TBRG1: variants seen among roughly 807,000 people sequenced by gnomAD.
TBRG1 encodes transforming growth factor beta regulator 1, also known as nuclear interactor of ARF and MDM2.
TBRG1 carries 31 observed loss-of-function variants against 44.0 expected under a neutral mutation model. The observed-to-expected ratio is 0.70, with a 90% CI of 0.53 to 0.95. The LOEUF is 0.95. TBRG1 is among the 40% of genes least tolerant of loss of function. The probability of loss-of-function intolerance (pLI) is 0.00; values close to 1 mark genes in which losing one functional copy is unlikely to be tolerated. For synonymous variants in TBRG1, 171 were observed against 188.1 expected (o/e 0.91, Z 0.74); for missense variants, 487 against 496.1 (o/e 0.98, Z 0.18).
chr11:124,630,469 AC>A lies in TBRG1; in HGVS notation c.821del (p.Thr274IlefsTer2). 6.2e-7 allele frequency: 1 copy of A among 1,612,126 alleles called. No homozygotes were observed. On this transcript the variant is annotated frameshift_variant, in exon 6 of 9. Coordinates refer to ENST00000441174, the MANE Select transcript of TBRG1 (RefSeq NM_032811.3). LOFTEE classifies it high-confidence loss of function. Reference protein sequence around the residue: ...ADACHAELLRTISTTMGKLMP... With the variant: ...ADACHAELLRXISTTMGKLMP... ...TGCTTGTCATGCAGAACTGCTCAGG[AC>A]TATAAGCACTACTATGTAAGTTGAC...
At chr11:124,624,831 A>G (rs1942424308) in intron 1 of TBRG1, 100 bp from the exon 2 acceptor site, 1 of 788,364 alleles carries the variant, frequency 1.3e-6, no homozygotes, top group Admixed American at 2.7e-5. Flanking sequence ...CTTCTCAGTA[A>G]TACAAGCTTT....
At chr11:124,625,520 CT>C (rs1429087879) in intron 2 of TBRG1, 150 bp from the exon 3 acceptor site, 1 of 680,478 alleles carries the variant, frequency 1.5e-6, no homozygotes, top group East Asian at 2.7e-5. Context: ...TCCTCCAGGG[CT>C]TTATGATTCA....
At chr11:124,626,837 C>T (rs1032850904) in intron 4 of TBRG1, 67 bp from the exon 5 acceptor site, 8 of 1,563,824 alleles carry the variant, frequency 5.1e-6, no homozygotes, top group African/African-American at 1.4e-5. Context: ...TAAAGGCTAC[C>T]ACAGGAAACT....
chr11:124,630,884 G>GA, intron 7 of TBRG1, 29 bp downstream of exon 7: 1 of 1,435,840 alleles, frequency 7.0e-7, no homozygotes, highest in Non-Finnish European at 9.6e-7. Context: ...ATTCCCTTGA[G>GA]AAAAGCTCAG....
Position 124,625,663 on chromosome 11 carries a change from G to C in TBRG1, c.222-8G>C. 1 of 1,549,674 alleles carries C rather than the reference G, an allele frequency of 6.5e-7. No homozygotes were observed. The highest frequency in any genetic ancestry group is 1.2e-5 in the South Asian group (1 of 83,574). On this transcript the variant is annotated splice_region_variant and splice_polypyrimidine_tract_variant and intron_variant, in intron 2 of 8. Coordinates refer to ENST00000441174, the MANE Select transcript of TBRG1 (RefSeq NM_032811.3). ...TCATTTCTCTGCTCCTTTCCTTCCTGATCTCAGGTACTTGCTAAAGAAGCT... is the reference window on the plus strand; with the variant it reads ...TCATTTCTCTGCTCCTTTCCTTCCTCATCTCAGGTACTTGCTAAAGAAGCT...
intron 2 of TBRG1, 119 bp downstream of exon 2, chr11:124,625,120 C>A: frequency 1.5e-6 from 1 of 672,316 alleles, no homozygotes; most frequent in Non-Finnish European, 2.5e-6. Context: ...TATCGCACAG[C>A]CCCTTGGCCA....
Position 124,630,411 on chromosome 11 carries a change from C to T in TBRG1, c.762C>T (p.Asp254=). The change falls in exon 6 of 9, where the codon GAC becomes GAT. Residue 254 remains aspartate (D), a synonymous_variant. Coordinates refer to ENST00000441174, the MANE Select transcript of TBRG1 (RefSeq NM_032811.3). ...QPQFEIVPED[D]PQNAIVSSSA... is the part of the protein sequence containing the mutation. ...AGTTTGAAATTGTTCCTGAAGATGA[C>T]CCCCAGAATGCCATTGTCAGCTCTT... is the stretch of plus-strand genomic sequence containing the variant. 1 of 1,613,354 alleles carries T rather than the reference C, an allele frequency of 6.2e-7. No homozygotes were observed. Among genetic ancestry groups the T allele is most frequent in the Non-Finnish European group, 8.5e-7 (1 of 1,179,354 alleles).
rs759078246 is a variant in TBRG1, at chr11:124,631,417, G to A, written c.1090G>A (p.Gly364Arg). The change falls in exon 8 of 9, where the codon GGA (glycine) becomes AGA (arginine). Residue 364 changes from glycine (G) to arginine (R), a missense_variant and splice_region_variant. Transcript: ENST00000441174. The stretch of plus-strand genomic sequence containing the variant: ...AGATCAGAATGATCCCCTTCTGCCA[G>A]GTATCTTTAACTTTACCTTTCTGGT... The part of the protein sequence containing the change: ...DEDQNDPLLP[G>R]SLDLPELQPA... The A allele has an allele frequency of 6.2e-7, 1 of 1,613,830 alleles. No individual in the cohort carries two copies. The highest frequency in any genetic ancestry group is 1.7e-5 in the Admixed American group (1 of 60,018).
Position 124,625,802 on chromosome 11 carries a change from C to A in TBRG1, c.353C>A (p.Ala118Asp). Residue 118 changes from alanine (A) to aspartate (D), a missense_variant, in exon 3 of 9, where the codon GCT becomes GAT. Ala to Asp is a moderately radical substitution (Grantham distance 126, BLOSUM62 -2). Transcript: ENST00000441174. The part of the protein sequence containing the change: ...VASSVGTIQG[A>D]GPISGPSTGA... ...AGCTCTGTGGGAACTATACAGGGAG[C>A]TGGGCCTATTTCAGGGCCCAGCACT... The A allele has an allele frequency of 6.3e-7, 1 of 1,582,572 alleles. No homozygotes were observed.
chr11:124,628,041 T>C (rs1942509133), intron 5 of TBRG1, among the ~76,000 whole-genome samples: 1 of 140,048 alleles, frequency 7.1e-6, no homozygotes, highest in African/African-American at 2.6e-5. Flanking sequence ...CAAATTTTGT[T>C]CCAACTAACG....
chr11:124,631,521 T>C, intron 8 of TBRG1, 104 bp downstream of exon 8: 2 of 1,254,360 alleles, frequency 1.6e-6, no homozygotes, highest in Non-Finnish European at 2.3e-6. Flanking sequence ...CATTGAGTGA[T>C]AAAAGCTTTC....
Position 124,630,423 on chromosome 11 carries a change from C to A in TBRG1, c.774C>A (p.Ala258=). Residue 258 remains alanine (A), a synonymous_variant, in exon 6 of 9, where the codon GCC becomes GCA. Transcript: ENST00000441174. ...EIVPEDDPQN[A]IVSSSADACH... ...TTCCTGAAGATGACCCCCAGAATGCCATTGTCAGCTCTTCTGCAGATGCTT... is the reference window on the plus strand; with the variant it reads ...TTCCTGAAGATGACCCCCAGAATGCAATTGTCAGCTCTTCTGCAGATGCTT... 2 of 1,613,810 alleles carry A rather than the reference C, an allele frequency of 1.2e-6. No individual in the cohort carries two copies. Among genetic ancestry groups the A allele is most frequent in the Non-Finnish European group, 1.7e-6 (2 of 1,179,736 alleles).
chr11:124,632,017 A>C (rs1253546756), intron 8 of TBRG1, 76 bp from the exon 9 acceptor site: 1 of 1,277,048 alleles, frequency 7.8e-7, no homozygotes, highest in East Asian at 2.3e-5. Context: ...GATTGAAAGG[A>C]CATGTATATG....
At chr11:124,626,652 T>C (rs1942478515) in intron 4 of TBRG1, 43 bp downstream of exon 4, 3 of 1,548,914 alleles carry the variant, frequency 1.9e-6, no homozygotes, top group Non-Finnish European at 1.7e-6. Flanking sequence ...ATCAGGGAAA[T>C]ACGGGAATGG....
chr11:124,626,573 C>T lies in TBRG1; in HGVS notation c.555C>T (p.Ile185=), dbSNP rs778383450. ...LDPSGRPVFP[I]GLGGLTVYSL... ...CCTCAGGACGGCCTGTGTTCCCCAT[C>T]GGACTAGGGGGTCTAACAGTATATA... is the stretch of plus-strand genomic sequence containing the variant. Residue 185 remains isoleucine (I), a synonymous_variant, in exon 4 of 9, where the codon ATC becomes ATT. Transcript: ENST00000441174. The T allele has an allele frequency of 1.5e-5, 24 of 1,551,380 alleles. No homozygotes were observed. Among genetic ancestry groups the T allele is most frequent in the Non-Finnish European group, 2.1e-5 (24 of 1,146,840 alleles).
intron 1 of TBRG1, 86 bp downstream of exon 1, chr11:124,623,319 A>C (rs774278524): frequency 1.9e-5 from 27 of 1,437,124 alleles, no homozygotes; most frequent in Admixed American, 3.9e-5. Flanking sequence ...TCCCAGTGTG[A>C]CAGTATTAAT....
At position 124,632,339 on chromosome 11, in the gene TBRG1, AGATACTAAC is replaced by A. The variant is rs1234876016; in HGVS notation, c.*103_*111del. 36 of 1,002,492 alleles carry A rather than the reference AGATACTAAC, an allele frequency of 3.6e-5. 2 individuals carry two copies. The African/African-American group carries it at 4.5e-4, about 13-fold the overall frequency. The allele number at this position is 1,002,492 out of a possible 1,614,324, so 62.1% of individuals were successfully genotyped here. On this transcript the variant is annotated 3_prime_UTR_variant, in exon 9 of 9. Coordinates refer to ENST00000441174, the MANE Select transcript of TBRG1 (RefSeq NM_032811.3). ...GAAGGCAGCAATTCAGAAGTAAAGAAGATACTAACGTATTTCATCATGGAAGGTCCTGTG... is the reference window on the plus strand; with the variant it reads ...GAAGGCAGCAATTCAGAAGTAAAGAAGTATTTCATCATGGAAGGTCCTGTG...
At position 124,630,639 on chromosome 11, in the gene TBRG1, A is replaced by T. The variant is rs1942588624; in HGVS notation, c.837-106A>T. 7.8e-6 allele frequency: 8 copies of T among 1,031,028 alleles called. No individual in the cohort carries two copies. The East Asian group carries it at 2.0e-4, about 26-fold the overall frequency. The allele number at this position is 1,031,028 out of a possible 1,614,324, so 63.9% of individuals were successfully genotyped here. On this transcript the variant is annotated intron_variant, in intron 6 of 8. Transcript: ENST00000441174. ...TGCCAACTAGAGCCTCCACATTATC[A>T]AAGTCAAGAAAGCTTATCCTGTTTG...
intron 3 of TBRG1, among the ~76,000 whole-genome samples, 196 bp downstream of exon 3, chr11:124,626,099 A>G (rs1346709839): frequency 6.6e-6 from 1 of 152,158 alleles, no homozygotes; most frequent in Non-Finnish European, 1.5e-5. Context: ...TTCGAGCTAG[A>G]CTTCGTTAAA....
Sources: allele counts gnomAD v4.1 joint callset (sites outside exome capture counted in the v4.1 genomes callset), GRCh38; gene constraint gnomAD v4.1.1; transcripts MANE v1.5; gene names NCBI Gene and HGNC (gene_info 2026-07-23, HGNC 2026-07-21).